The following HERC2 variants were observed in gnomAD, a reference collection of about 807,000 sequenced individuals.
The protein encoded by HERC2 is HECT and RLD domain containing E3 ubiquitin protein ligase 2, also known as E3 ubiquitin-protein ligase HERC2.
A neutral mutation model predicts 537.7 loss-of-function variants in HERC2; 102 were observed. The ratio of observed to expected loss-of-function variants is 0.19; its 90% CI spans 0.16 to 0.22. HERC2 has a LOEUF of 0.22. Among genes scored for constraint, HERC2 ranks in the 10% least tolerant of loss-of-function variants. The pLI, the probability that HERC2 is intolerant of heterozygous loss-of-function variation, is 1.00. For missense variants in HERC2, 4,236 were observed against 6,198.2 expected, an observed-to-expected ratio of 0.68 and a Z score of 10.63; for synonymous variants, 2,224 against 2,466.2, an observed-to-expected ratio of 0.90 and a Z score of 2.91.
chr15:28,301,729 G>GTA (rs1267273788), intron 2 of HERC2, among the ~76,000 whole-genome samples: 1 of 37,902 alleles, frequency 2.6e-5, no homozygotes, highest in African/African-American at 8.2e-5. Flanking sequence ...CTAGTTGTAT[G>GTA]TATGTGTATA....
chr15:28,294,406 G>T (rs1166617087), intron 3 of HERC2, among the ~76,000 whole-genome samples: 2 of 149,554 alleles, frequency 1.3e-5, no homozygotes, highest in Admixed American at 1.3e-4. Context: ...AAACACTAAG[G>T]ACAAAACCTT....
intron 2 of HERC2, among the ~76,000 whole-genome samples, chr15:28,316,952 T>G (rs1248254798): frequency 2.0e-5 from 3 of 151,670 alleles, no homozygotes; most frequent in Non-Finnish European, 4.4e-5. Context: ...AATTTTTGTA[T>G]TTTTAGTAGA....
At chr15:28,255,510 A>G (rs1596331886) in intron 19 of HERC2, among the ~76,000 whole-genome samples, 1 of 152,314 alleles carries the variant, frequency 6.6e-6, no homozygotes, top group African/African-American at 2.4e-5. Context: ...AAGAGTGCAT[A>G]CTATATAGTT....
chr15:28,245,529 AG>A (rs1425306728), intron 23 of HERC2, among the ~76,000 whole-genome samples: 2 of 150,478 alleles, frequency 1.3e-5, no homozygotes, highest in Non-Finnish European at 3.0e-5. Flanking sequence ...CCTGGGCAAC[AG>A]AGCAAGATGT....
intron 33 of HERC2, 28 bp from the exon 34 acceptor site, chr15:28,229,374 T>G (rs1185884977): frequency 2.5e-6 from 4 of 1,613,158 alleles, no homozygotes; most frequent in Admixed American, 3.3e-5. Context: ...AGAATTTGAC[T>G]TGGGACACTG....
chr15:28,315,545 A>C (rs898953684), intron 2 of HERC2: 49 of 428,840 alleles, frequency 1.1e-4, no homozygotes, highest in African/African-American at 8.4e-4. Flanking sequence ...TTGTACTCCC[A>C]GCACTTTGGG....
chr15:28,180,761 T>C (rs937011465), intron 57 of HERC2, among the ~76,000 whole-genome samples: 4 of 152,240 alleles, frequency 2.6e-5, no homozygotes, highest in African/African-American at 4.8e-5. Flanking sequence ...GTACTAAATA[T>C]GTACAGATAT....
intron 4 of HERC2, among the ~76,000 whole-genome samples, chr15:28,282,187 G>A (rs746119660): frequency 2.0e-4 from 31 of 152,106 alleles, no homozygotes; most frequent in Non-Finnish European, 3.4e-4. Flanking sequence ...GGTGAAGCAC[G>A]CCCTATCCCT....
intron 3 of HERC2, among the ~76,000 whole-genome samples, chr15:28,297,797 G>A (rs2076509271): frequency 6.6e-6 from 1 of 151,244 alleles, no homozygotes; most frequent in South Asian, 2.1e-4. Flanking sequence ...TTGTGAAATG[G>A]TAAACTCAAA....
chr15:28,256,296 G>C lies in HERC2; in HGVS notation c.2539C>G (p.Gln847Glu). 6.3e-7 allele frequency: 1 copy of C among 1,595,142 alleles called. No individual in the cohort carries two copies. Among genetic ancestry groups the C allele is most frequent in the South Asian group, 1.1e-5 (1 of 90,472 alleles). The change falls in exon 18 of 93, where the codon CAG becomes GAG. Residue 847 changes from glutamine (Q) to glutamate (E), a missense_variant. Gln to Glu is a conservative substitution (Grantham distance 29, BLOSUM62 2). Coordinates refer to ENST00000261609, the MANE Select transcript of HERC2 (RefSeq NM_004667.6). Reference protein sequence around the residue: ...RLQLHAAISHQVDPEFLGLGL... With the variant: ...RLQLHAAISHEVDPEFLGLGL... ...AAACCAAGGAATTCCGGGTCAACCT[G>C]GTGACTAATGGCAGCATGCAACTGA...
Position 28,274,353 on chromosome 15 carries a change from C to T in HERC2, c.738G>A (p.Val246=), listed in dbSNP as rs146826633. Residue 246 remains valine (V), a synonymous_variant, in exon 7 of 93, where the codon GTG becomes GTA. Coordinates refer to ENST00000261609, the MANE Select transcript of HERC2 (RefSeq NM_004667.6). ...CCACCACCTCCAGCCACACAGAGGA[C>T]ACGGTGCTCTCGTCAAAGAGCGAGG... ...PEASLFDEST[V]SSVWLEVVER... The T allele has an allele frequency of 1.3e-4, 203 of 1,614,262 alleles. 2 individuals are homozygous for T. In the African/African-American group the frequency reaches 2.5e-3, roughly 20 times the overall value.
At chr15:28,130,071 C>T (rs1415535212) in intron 83 of HERC2, 92 bp downstream of exon 83, 31 of 1,503,328 alleles carry the variant, frequency 2.1e-5, no homozygotes, top group Non-Finnish European at 2.6e-5. Context: ...CCACACCTGG[C>T]CTGTGCCCCC....
chr15:28,274,767 C>T, intron 6 of HERC2, 138 bp downstream of exon 6: 1 of 717,814 alleles, frequency 1.4e-6, no homozygotes, highest in South Asian at 1.7e-5. Flanking sequence ...TGCAGCCTCT[C>T]ATCTCACAAG....
Position 28,111,858 on chromosome 15 carries a change from C to T in HERC2, c.14410G>A (p.Glu4804Lys). 1 of 1,614,202 alleles carries T rather than the reference C, an allele frequency of 6.2e-7. No individual in the cohort carries two copies. Among genetic ancestry groups the T allele is most frequent in the Non-Finnish European group, 8.5e-7 (1 of 1,180,036 alleles). ...DDYARIALTG[E>K]PAADDSSDDS... is the part of the protein sequence containing the mutation. ...TCGCTGCTGTCGTCGGCGGCTGGCTCTCCTGTAAGTGCGATGCGAGCGTAG... is the reference window on the plus strand; with the variant it reads ...TCGCTGCTGTCGTCGGCGGCTGGCTTTCCTGTAAGTGCGATGCGAGCGTAG... The change falls in exon 93 of 93, where the codon GAG becomes AAG. Residue 4804 changes from glutamate (E) to lysine (K), a missense_variant. Glu to Lys is a moderately conservative substitution (Grantham distance 56). Coordinates refer to ENST00000261609, the MANE Select transcript of HERC2 (RefSeq NM_004667.6).
intron 50 of HERC2, 111 bp downstream of exon 50, chr15:28,198,267 T>G: frequency 7.8e-7 from 1 of 1,274,312 alleles, no homozygotes. Context: ...ACACTCTATC[T>G]TTCTTCAACA....
In HERC2 at chr15:28,237,197, C is replaced by T. The variant is rs1447256886; in HGVS notation, c.3853-84G>A. The T allele has an allele frequency of 1.5e-5, 21 of 1,374,790 alleles. No individual in the cohort carries two copies. The East Asian group carries it at 1.9e-4, about 12-fold the overall frequency. 85.2% of individuals were successfully genotyped at this position (1,374,790 alleles called of 1,614,324 possible). ...CCAAAAGGACAGCTCTCTCCTGCAGCTGTAACCGCACGTGAGCCCAGGGGT... is the reference window on the plus strand; with the variant it reads ...CCAAAAGGACAGCTCTCTCCTGCAGTTGTAACCGCACGTGAGCCCAGGGGT... On this transcript the variant is annotated intron_variant, in intron 25 of 92. Transcript: ENST00000261609.
At chr15:28,285,801 GAC>G (rs2076141356) in intron 4 of HERC2, among the ~76,000 whole-genome samples, 1 of 82,752 alleles carries the variant, frequency 1.2e-5, no homozygotes. Context: ...AAGCATGACT[GAC>G]AAAAAAAAAA....
In HERC2 at chr15:28,212,083, G is replaced by A. The variant is rs1053260846; in HGVS notation, c.6925+362C>T. Among the ~76,000 whole-genome samples, 14 of 152,164 alleles carry A rather than the reference G, an allele frequency of 9.2e-5. 1 individual carries two copies. Among genetic ancestry groups the A allele is most frequent in the Admixed American group, 6.5e-4 (10 of 15,276 alleles). ...TTCCGGGACAGAGGCCCCTGGATCC[G>A]GCAGAGAACAGGCTGTGAGCCATGG... On this transcript the variant is annotated intron_variant, in intron 43 of 92. Coordinates refer to ENST00000261609, the MANE Select transcript of HERC2 (RefSeq NM_004667.6).
intron 25 of HERC2, 60 bp from the exon 26 acceptor site, chr15:28,237,173 C>A: frequency 6.7e-7 from 1 of 1,485,806 alleles, no homozygotes; most frequent in South Asian, 1.1e-5. Context: ...AACATAAAAC[C>A]AAAAGGACAG....
Sources: gnomAD v4.1 joint callset for allele counts (sites outside exome capture counted in the v4.1 genomes callset) on GRCh38, gnomAD v4.1.1 for gene constraint, MANE v1.5 for transcripts, NCBI Gene and HGNC (gene_info 2026-07-23, HGNC 2026-07-21) for gene names.